The following AP3S1 variants were observed in gnomAD, a reference collection of about 807,000 sequenced individuals.
AP3S1 encodes adaptor related protein complex 3 subunit sigma 1, also known as AP-3 complex subunit sigma-1.
Under a neutral mutation model 21.3 loss-of-function variants are expected in AP3S1, and 12 were observed. That is an observed-to-expected ratio of 0.56 (90% CI 0.36 to 0.91). The LOEUF is 0.91. AP3S1 is among the 40% of genes least tolerant of loss of function. The pLI is 0.01. For missense variants in AP3S1, 116 were observed against 225.0 expected (o/e 0.52, Z 3.10); for synonymous variants, 48 against 78.4 (o/e 0.61, Z 2.05).
chr5:115,902,877 C>T lies in AP3S1; in HGVS notation c.346-8C>T. The T allele has an allele frequency of 6.5e-6, 2 of 309,738 alleles. No individual in the cohort carries two copies. The highest frequency in any genetic ancestry group is 5.6e-6 in the Non-Finnish European group (1 of 179,412). 19.2% of individuals were successfully genotyped at this position (309,738 alleles called of 1,614,324 possible). A position where few individuals can be genotyped will look rare whatever the true frequency, so the allele number is the denominator to read the frequency against. ...CTTTATGGGTATATATTCTTTTATT[C>T]CCTTTAGGTTCACAATATTCTTGCA... On this transcript the variant is annotated splice_polypyrimidine_tract_variant and splice_region_variant and intron_variant, in intron 4 of 5. Coordinates refer to ENST00000316788, the MANE Select transcript of AP3S1 (RefSeq NM_001284.4).
At position 115,904,012 on chromosome 5, in the gene AP3S1, G is replaced by T. The variant is rs555399810; in HGVS notation, c.453+1020G>T. ...CACAAGAATCACTTGAACCCCGGAGGTGGAGGTTGCAGTGAGCCGAGATCA... is the reference window on the plus strand; with the variant it reads ...CACAAGAATCACTTGAACCCCGGAGTTGGAGGTTGCAGTGAGCCGAGATCA... On this transcript the variant is annotated intron_variant, in intron 5 of 5. Coordinates refer to ENST00000316788, the MANE Select transcript of AP3S1 (RefSeq NM_001284.4). 6 of 152,108 alleles carry T rather than the reference G, an allele frequency of 3.9e-5. No homozygotes were observed. In the South Asian group the frequency reaches 6.2e-4, roughly 16 times the overall value. 9.4% of individuals were successfully genotyped at this position (152,108 alleles called of 1,614,324 possible). A position where few individuals can be genotyped will look rare whatever the true frequency, so the allele number is the denominator to read the frequency against.
rs373631788 is a variant in AP3S1 at position 115,863,312 on chromosome 5, G to A, written c.70-3358G>A. Among the ~76,000 whole-genome samples the A allele has an allele frequency of 3.9e-5, 6 of 152,192 alleles. No individual in the cohort carries two copies. In the East Asian group the frequency reaches 9.7e-4, roughly 25 times the overall value. ...CTTGGGAGGCTGAGGCAGGAGAATC[G>A]CTTGAACCCAGGAGGCGGAGGTTGC... On this transcript the variant is annotated intron_variant, in intron 1 of 5. Transcript: ENST00000316788.
chr5:115,878,079 C>G lies in AP3S1; in HGVS notation c.273+7951C>G, dbSNP rs138415335. Among the ~76,000 whole-genome samples the G allele has an allele frequency of 6.8e-3, 1,037 of 152,156 alleles. 12 individuals carry two copies. The highest frequency in any genetic ancestry group is 0.022 in the African/African-American group (918 of 41,518). ...TTTTCCTTGTAAATTTGTTTAAGTTCCTTGTAGATTCTGGATATTAGCCCT... is the reference window on the plus strand; with the variant it reads ...TTTTCCTTGTAAATTTGTTTAAGTTGCTTGTAGATTCTGGATATTAGCCCT... On this transcript the variant is annotated intron_variant, in intron 3 of 5. Transcript: ENST00000316788.
chr5:115,883,096 G>A (rs1171655458), intron 3 of AP3S1, among the ~76,000 whole-genome samples: 1 of 152,226 alleles, frequency 6.6e-6, no homozygotes, highest in African/African-American at 2.4e-5. Context: ...TGCTGTGCTG[G>A]CAGCAAATAT....
intron 3 of AP3S1, among the ~76,000 whole-genome samples, chr5:115,883,084 A>G (rs1749452206): frequency 6.6e-6 from 1 of 152,192 alleles, no homozygotes; most frequent in African/African-American, 2.4e-5. Context: ...TTGACTTCAG[A>G]CTGCTGTGCT....
At chr5:115,896,864 T>G (rs763575047) in intron 4 of AP3S1, among the ~76,000 whole-genome samples, 2 of 152,236 alleles carry the variant, frequency 1.3e-5, no homozygotes, top group Non-Finnish European at 2.9e-5. Flanking sequence ...AGGTCATCAT[T>G]AGCTTATGTA....
chr5:115,868,686 A>T (rs1185111368), intron 2 of AP3S1, among the ~76,000 whole-genome samples: 1 of 151,950 alleles, frequency 6.6e-6, no homozygotes, highest in Admixed American at 6.6e-5. Flanking sequence ...GTTCGAGACC[A>T]GCCTGGGCAA....
intron 5 of AP3S1, 72 bp from the exon 6 acceptor site, chr5:115,913,290 T>C (rs979805210): frequency 6.7e-6 from 7 of 1,049,358 alleles, no homozygotes; most frequent in Admixed American, 4.0e-5. Context: ...TTGTCTTCCA[T>C]TGTAAGTGTT....
chr5:115,896,540 A>G (rs1750767849), intron 4 of AP3S1, among the ~76,000 whole-genome samples: 1 of 152,210 alleles, frequency 6.6e-6, no homozygotes, highest in African/African-American at 2.4e-5. Context: ...GCAGTTTGGG[A>G]GGCTGAGGCC....
At chr5:115,894,362 A>T (rs1750565371) in intron 3 of AP3S1, among the ~76,000 whole-genome samples, 1 of 152,200 alleles carries the variant, frequency 6.6e-6, no homozygotes. Flanking sequence ...ATTCACTATA[A>T]ATCACATTAT....
chr5:115,872,420 C>T (rs1204204227), intron 3 of AP3S1, among the ~76,000 whole-genome samples: 2 of 152,124 alleles, frequency 1.3e-5, no homozygotes, highest in East Asian at 3.8e-4. Flanking sequence ...ATCAAAGTTA[C>T]ATGAAACCAC....
intron 3 of AP3S1, among the ~76,000 whole-genome samples, chr5:115,877,490 T>TG (rs1748834000): frequency 6.6e-6 from 1 of 152,206 alleles, no homozygotes; most frequent in African/African-American, 2.4e-5. Context: ...CTGAGAGTGA[T>TG]GGTTTCCAGC....
intron 3 of AP3S1, among the ~76,000 whole-genome samples, chr5:115,876,921 C>A (rs1748772812): frequency 6.6e-6 from 1 of 152,136 alleles, no homozygotes; most frequent in African/African-American, 2.4e-5. Flanking sequence ...TTGTGATGAT[C>A]ACTTGGTTAA....
chr5:115,875,108 T>C (rs1372007860), intron 3 of AP3S1, among the ~76,000 whole-genome samples: 2 of 152,226 alleles, frequency 1.3e-5, no homozygotes, highest in East Asian at 1.9e-4. Flanking sequence ...ATATAAAATA[T>C]TATTTTGTTA....
intron 4 of AP3S1, 25 bp from the exon 5 acceptor site, chr5:115,902,860 G>A (rs1751328622): frequency 1.3e-6 from 2 of 1,483,634 alleles, no homozygotes; most frequent in Non-Finnish European, 1.8e-6. Flanking sequence ...TTCTTTATGG[G>A]TATATATTCT....
chr5:115,907,703 G>A (rs543186561), intron 5 of AP3S1, among the ~76,000 whole-genome samples: 17 of 152,054 alleles, frequency 1.1e-4, no homozygotes, highest in East Asian at 9.6e-4. Context: ...TTTGCAAAGC[G>A]TATTGGCAAA....
chr5:115,842,933 C>G (rs111746439), intron 1 of AP3S1, among the ~76,000 whole-genome samples: 6 of 152,140 alleles, frequency 3.9e-5, no homozygotes, highest in African/African-American at 1.4e-4. Context: ...GGAATTTGCC[C>G]TCATTTATAG....
chr5:115,900,261 T>C (rs1751098910), intron 4 of AP3S1, among the ~76,000 whole-genome samples: 1 of 152,166 alleles, frequency 6.6e-6, no homozygotes, highest in South Asian at 2.1e-4. Flanking sequence ...CCAAAAAAGA[T>C]CATTTAAGTT....
intron 1 of AP3S1, among the ~76,000 whole-genome samples, chr5:115,843,676 CA>C (rs1761832045): frequency 2.0e-5 from 3 of 152,138 alleles, no homozygotes. Context: ...TAAAACAATT[CA>C]AAAAATTATT....
Sources: gnomAD v4.1 joint callset for allele counts (sites outside exome capture counted in the v4.1 genomes callset) on GRCh38, gnomAD v4.1.1 for gene constraint, MANE v1.5 for transcripts, NCBI Gene and HGNC (gene_info 2026-07-23, HGNC 2026-07-21) for gene names.